ANK2: variants seen among roughly 807,000 people sequenced by gnomAD.
ANK2 encodes ankyrin 2, also known as ankyrin-2.
Under a neutral mutation model 360.5 loss-of-function variants are expected in ANK2, and 83 were observed. The ratio of observed to expected loss-of-function variants is 0.23; its 90% confidence interval spans 0.19 to 0.28. The LOEUF (loss-of-function observed/expected upper bound fraction) is 0.28. ANK2 is among the 10% of genes least tolerant of loss of function. ANK2 has a pLI of 1.00. For synonymous variants in ANK2, 1,740 were observed against 1,759.5 expected, an observed-to-expected ratio of 0.99 and a Z score of 0.28; for missense variants, 4,201 against 4,795.7, an observed-to-expected ratio of 0.88 and a Z score of 3.66.
intron 1 of ANK2, among the ~76,000 whole-genome samples, chr4:112,884,746 G>A (rs1455130984): frequency 6.6e-6 from 1 of 152,070 alleles, no homozygotes; most frequent in East Asian, 1.9e-4. Flanking sequence ...TTCCTGCTGG[G>A]AACACTTTCT....
intron 20 of ANK2, among the ~76,000 whole-genome samples, chr4:113,289,194 A>G (rs938311581): frequency 2.7e-5 from 4 of 150,122 alleles, no homozygotes; most frequent in South Asian, 2.1e-4. Flanking sequence ...ATTTAAGTTC[A>G]TATATCAGAA....
At position 113,357,422 on chromosome 4, in the gene ANK2, C is replaced by T. The variant is rs1172427238; in HGVS notation, c.8804C>T (p.Ser2935Phe). ...CCTTATGAAAATGTCCCTTCCCAATCTTTTTTCTCTAGTGAAGAAAGCAAA... is the reference window on the plus strand; with the variant it reads ...CCTTATGAAAATGTCCCTTCCCAATTTTTTTTCTCTAGTGAAGAAAGCAAA... ...TSPYENVPSQ[S>F]FFSSEESKTQ... The change falls in exon 38 of 46, where the codon TCT (serine) becomes TTT (phenylalanine). Residue 2935 changes from serine (S) to phenylalanine (F), a missense_variant. Transcript: ENST00000357077. 8 of 1,613,920 alleles carry T rather than the reference C, an allele frequency of 5.0e-6. No individual in the cohort carries two copies. Among genetic ancestry groups the T allele is most frequent in the Non-Finnish European group, 6.8e-6 (8 of 1,179,970 alleles).
At chr4:113,203,530 A>G (rs2098887774) in intron 4 of ANK2, among the ~76,000 whole-genome samples, 1 of 152,018 alleles carries the variant, frequency 6.6e-6, no homozygotes, top group South Asian at 2.1e-4. Flanking sequence ...TTTCAGGATT[A>G]TGCATAATAC....
chr4:113,281,768 A>G lies in ANK2; in HGVS notation c.1882-907A>G, dbSNP rs140012009. ...TTTTTCTTTTAACTAAACATGGGGT[A>G]TAGAGTTTTGTTCTTGTAAGCAGAG... On this transcript the variant is annotated intron_variant, in intron 17 of 45. Coordinates refer to ENST00000357077, the MANE Select transcript of ANK2 (RefSeq NM_001148.6). Among the ~76,000 whole-genome samples the G allele has an allele frequency of 3.4e-3, 520 of 152,280 alleles. 4 individuals are homozygous for G. Among genetic ancestry groups the G allele is most frequent in the African/African-American group, 0.012 (480 of 41,560 alleles).
rs1366718203 is a variant in ANK2 at position 112,824,053 on chromosome 4, C to A, written c.-40+5789C>A. On this transcript the variant is annotated intron_variant, in intron 1 of 30. Transcript: ENST00000503271. ...GACAATCTTTTAAACCTAATTATAC[C>A]CTAAACTTTAGATGGAGAGTTTCCT... Among the ~76,000 whole-genome samples the A allele has an allele frequency of 2.0e-5, 3 of 152,062 alleles. 1 individual carries two copies. Among genetic ancestry groups the A allele is most frequent in the Non-Finnish European group, 4.4e-5 (3 of 68,028 alleles).
intron 4 of ANK2, among the ~76,000 whole-genome samples, chr4:113,226,247 G>A (rs1007055338): frequency 2.0e-5 from 3 of 152,036 alleles, no homozygotes; most frequent in Admixed American, 6.6e-5. Context: ...TCAAACCCCC[G>A]TACAAAAACC....
the ANK2 span, chr4:112,797,223 G>A: frequency 6.4e-6 from 1 of 155,534 alleles, no homozygotes; most frequent in Non-Finnish European, 1.5e-5. Context: ...TCTTCTTCCT[G>A]TAGACAGAGA....
At chr4:112,734,025 T>A in the ANK2 span, among the ~76,000 whole-genome samples, 27 of 152,372 alleles carry the variant, frequency 1.8e-4, no homozygotes, top group African/African-American at 4.6e-4. Flanking sequence ...TCCACCCGCC[T>A]CGGCCTCCCA....
intron 2 of ANK2, among the ~76,000 whole-genome samples, chr4:113,009,214 G>A (rs984723073): frequency 2.6e-5 from 4 of 152,176 alleles, no homozygotes; most frequent in African/African-American, 9.7e-5. Context: ...TGAGATGGAT[G>A]TGGTATTAAG....
chr4:113,263,302 T>C (rs1305561532), intron 13 of ANK2, among the ~76,000 whole-genome samples: 2 of 150,404 alleles, frequency 1.3e-5, no homozygotes, highest in Non-Finnish European at 2.9e-5. Flanking sequence ...GGAAAAATCT[T>C]GTGATACATC....
At chr4:113,253,605 G>T (rs145547557) in intron 10 of ANK2, among the ~76,000 whole-genome samples, 1 of 151,992 alleles carries the variant, frequency 6.6e-6, no homozygotes, top group Non-Finnish European at 1.5e-5. Flanking sequence ...AAATACCCAT[G>T]TCATGTTGGA....
intron 38 of ANK2, among the ~76,000 whole-genome samples, chr4:113,359,673 A>G (rs1450028426): frequency 6.6e-6 from 1 of 152,208 alleles, no homozygotes; most frequent in Non-Finnish European, 1.5e-5. Context: ...TTTGTTTCAT[A>G]GTATGAAGAC....
intron 45 of ANK2, among the ~76,000 whole-genome samples, chr4:113,377,575 T>C (rs1390818687): frequency 6.6e-6 from 1 of 152,226 alleles, no homozygotes; most frequent in Non-Finnish European, 1.5e-5. Flanking sequence ...TTGGAACATT[T>C]TGACACTAAA....
chr4:113,029,636 G>A (rs1308083718), intron 2 of ANK2, among the ~76,000 whole-genome samples: 3 of 152,012 alleles, frequency 2.0e-5, no homozygotes, highest in African/African-American at 7.2e-5. Context: ...TGGGTCTGAG[G>A]CCCACCAAGA....
At chr4:113,167,628 T>C (rs930408169) in intron 1 of ANK2, among the ~76,000 whole-genome samples, 44 of 152,242 alleles carry the variant, frequency 2.9e-4, no homozygotes, top group African/African-American at 1.0e-3. Flanking sequence ...GTAAATATTT[T>C]ATTTAATTAT....
At chr4:113,328,605 T>C (rs549285374) in intron 26 of ANK2, among the ~76,000 whole-genome samples, 2 of 152,352 alleles carry the variant, frequency 1.3e-5, no homozygotes, top group East Asian at 1.9e-4. Flanking sequence ...ACTTCAGTAC[T>C]GAACTGTTGA....
intron 1 of ANK2, among the ~76,000 whole-genome samples, chr4:112,837,295 T>C (rs1186990878): frequency 6.6e-6 from 1 of 152,186 alleles, no homozygotes; most frequent in Non-Finnish European, 1.5e-5. Flanking sequence ...GAGGCAAGTG[T>C]TGAGGTATGG....
the ANK2 span, among the ~76,000 whole-genome samples, chr4:112,713,606 A>C: frequency 3.8e-4 from 58 of 152,242 alleles, 1 homozygote; most frequent in African/African-American, 1.3e-3. Flanking sequence ...TTTTGTGTGA[A>C]GCATGTTTTT....
chr4:113,361,580 C>T (rs542770897), intron 39 of ANK2, among the ~76,000 whole-genome samples: 144 of 147,242 alleles, frequency 9.8e-4, no homozygotes, highest in African/African-American at 3.5e-3. Flanking sequence ...TTCAAAGAGA[C>T]AAACATTGTA....
Sources: allele counts gnomAD v4.1 joint callset (sites outside exome capture counted in the v4.1 genomes callset), GRCh38; gene constraint gnomAD v4.1.1; transcripts MANE v1.5; gene names NCBI Gene and HGNC (gene_info 2026-07-23, HGNC 2026-07-21).